The following TOPBP1 variants were observed in gnomAD, a reference collection of about 807,000 sequenced individuals.
TOPBP1 encodes the protein DNA topoisomerase II binding protein 1.
A neutral mutation model predicts 167.7 loss-of-function variants in TOPBP1; 28 were observed. The ratio of observed to expected loss-of-function variants is 0.17; its 90% CI spans 0.12 to 0.23. TOPBP1 has a LOEUF of 0.23. TOPBP1 is among the 10% of genes least tolerant of loss of function. The pLI is 1.00. For missense variants in TOPBP1, 1,554 were observed against 1,809.6 expected (o/e 0.86, Z 2.56); for synonymous variants, 598 against 611.4 (o/e 0.98, Z 0.32).
At chr3:133,612,982 C>T (rs893047568) in intron 23 of TOPBP1, among the ~76,000 whole-genome samples, 1 of 152,138 alleles carries the variant, frequency 6.6e-6, no homozygotes, top group African/African-American at 2.4e-5. Flanking sequence ...CCCTCAGCCT[C>T]GCAAGTAGCT....
At chr3:133,606,495 C>CTTT (rs750468980) in intron 27 of TOPBP1, among the ~76,000 whole-genome samples, 17 of 125,462 alleles carry the variant, frequency 1.4e-4, no homozygotes, top group South Asian at 2.5e-4. Flanking sequence ...CACTCTAGGC[C>CTTT]TTTTTTTTTT....
intron 17 of TOPBP1, among the ~76,000 whole-genome samples, chr3:133,623,699 G>T (rs184903649): frequency 2.0e-5 from 3 of 152,008 alleles, no homozygotes; most frequent in Admixed American, 6.6e-5. Flanking sequence ...TTTTGCAAAG[G>T]TATCAATTAC....
chr3:133,652,155 A>G (rs969785815), intron 8 of TOPBP1, among the ~76,000 whole-genome samples: 6 of 152,282 alleles, frequency 3.9e-5, no homozygotes, highest in Non-Finnish European at 7.4e-5. Flanking sequence ...AAAAAATCCA[A>G]TAAGTTGTTC....
intron 25 of TOPBP1, 37 bp downstream of exon 25, chr3:133,610,967 T>C (rs952553702): frequency 6.5e-7 from 1 of 1,532,994 alleles, no homozygotes; most frequent in African/African-American, 1.4e-5. Flanking sequence ...CAATATTGAA[T>C]GCTATTTGTA....
intron 10 of TOPBP1, among the ~76,000 whole-genome samples, chr3:133,647,523 A>G (rs1559828783): frequency 1.3e-5 from 2 of 152,200 alleles, no homozygotes; most frequent in Admixed American, 6.5e-5. Context: ...GATAGGTTTA[A>G]TGTGTTTTAA....
rs1043208056 is a variant in TOPBP1 at position 133,657,893 on chromosome 3, G to C, written c.268C>G (p.His90Asp). 7.5e-6 allele frequency: 12 copies of C among 1,597,480 alleles called. No individual in the cohort carries two copies. The highest frequency in any genetic ancestry group is 1.7e-4 in the Middle Eastern group (1 of 6,002). Residue 90 changes from histidine (H) to aspartate (D), a missense_variant, in exon 4 of 28, where the codon CAC (histidine) becomes GAC (aspartate). Physicochemically the swap from His to Asp is moderately conservative, Grantham distance 81. This residue lies in a region of TOPBP1 where 1,197 missense variants were observed against 1,351.5 expected (regional missense o/e 0.89). Transcript: ENST00000260810. Reference protein sequence around the residue: ...GPQVVIFCMHHQRCVPRAEHP... With the variant: ...GPQVVIFCMHDQRCVPRAEHP... ...TCGGCTCTTGGGACACATCGCTGGTGGTGCATACAAAATATGACTACTTGA... is the reference window on the plus strand; with the variant it reads ...TCGGCTCTTGGGACACATCGCTGGTCGTGCATACAAAATATGACTACTTGA...
intron 2 of TOPBP1, among the ~76,000 whole-genome samples, chr3:133,659,657 T>C (rs921937465): frequency 6.6e-6 from 1 of 152,144 alleles, no homozygotes; most frequent in Non-Finnish European, 1.5e-5. Flanking sequence ...CCCACTTCAA[T>C]CAGGTCTGCT....
At chr3:133,644,412 G>T in intron 10 of TOPBP1, 49 bp from the exon 11 acceptor site, 1 of 1,438,020 alleles carries the variant, frequency 7.0e-7, no homozygotes, top group Non-Finnish European at 9.3e-7. Flanking sequence ...ACCTTATACA[G>T]TTTACTTCCT....
chr3:133,627,838 C>G (rs1447834636), intron 16 of TOPBP1, among the ~76,000 whole-genome samples: 1 of 150,148 alleles, frequency 6.7e-6, no homozygotes, highest in African/African-American at 2.5e-5. Context: ...GTCAGGTTGA[C>G]TGAAGAAAAA....
rs557953964 is a variant in TOPBP1, at chr3:133,648,948, T to A, written c.1504+435A>T. On this transcript the variant is annotated intron_variant, in intron 10 of 27. Coordinates refer to ENST00000260810, the MANE Select transcript of TOPBP1 (RefSeq NM_007027.4). Reference sequence around the variant, plus strand: ...TAGGTATTTTATAAAGGCTTTTTTTTAATAAAAAAGAAGTAATGATGTTTA... The same window carrying A: ...TAGGTATTTTATAAAGGCTTTTTTTAAATAAAAAAGAAGTAATGATGTTTA... Among the ~76,000 whole-genome samples the A allele has an allele frequency of 4.7e-4, 72 of 152,244 alleles. 1 individual carries two copies. Among genetic ancestry groups the A allele is most frequent in the African/African-American group, 1.6e-3 (65 of 41,570 alleles).
chr3:133,628,276 G>T, intron 16 of TOPBP1, 86 bp downstream of exon 16: 1 of 1,207,154 alleles, frequency 8.3e-7, no homozygotes. Flanking sequence ...CAAAATAAAT[G>T]TATTCTTGTA....
intron 8 of TOPBP1, 57 bp from the exon 9 acceptor site, chr3:133,650,000 C>A: frequency 1.5e-6 from 2 of 1,373,678 alleles, no homozygotes; most frequent in Non-Finnish European, 9.6e-7. Context: ...TAGAAAAAAA[C>A]TAAAAATATA....
chr3:133,652,560 T>C lies in TOPBP1; in HGVS notation c.992A>G (p.Asn331Ser). 1 of 1,612,116 alleles carries C rather than the reference T, an allele frequency of 6.2e-7. No homozygotes were observed. Among genetic ancestry groups the C allele is most frequent in the Non-Finnish European group, 8.5e-7 (1 of 1,179,824 alleles). Residue 331 changes from asparagine (N) to serine (S), a missense_variant, in exon 8 of 28, where the codon AAT becomes AGT. Coordinates refer to ENST00000260810, the MANE Select transcript of TOPBP1 (RefSeq NM_007027.4). The stretch of plus-strand genomic sequence containing the variant: ...AGGCTCCAGTTTGCTGTTAAGTGAA[T>C]TACATATTGATTCACTTACGCAACT... ...NASCVSESIC[N>S]SLNSKLEPTL...
chr3:133,647,067 A>C (rs1936099086), intron 10 of TOPBP1, among the ~76,000 whole-genome samples: 2 of 152,190 alleles, frequency 1.3e-5, no homozygotes, highest in Admixed American at 6.5e-5. Context: ...GGTGAAGGAG[A>C]GTATACCCTG....
intron 8 of TOPBP1, among the ~76,000 whole-genome samples, chr3:133,651,899 TAATACACTG>T (rs978716514): frequency 2.6e-5 from 4 of 152,194 alleles, no homozygotes; most frequent in African/African-American, 9.6e-5. Flanking sequence ...GCACAGTGTC[TAATACACTG>T]TAAACACTTG....
rs771001879 is a variant in TOPBP1 at position 133,601,287 on chromosome 3, G to A, written c.4532C>T (p.Thr1511Ile). The change falls in exon 28 of 28, where the codon ACA (threonine) becomes ATA (isoleucine). Residue 1511 changes from threonine to isoleucine, a missense_variant. Around this residue, in one of 3 missense-constraint regions of TOPBP1, gnomAD observed 351 missense variants for 432.9 expected, o/e 0.81. Coordinates refer to ENST00000260810, the MANE Select transcript of TOPBP1 (RefSeq NM_007027.4). ...TGLSQKRKAP[T>I]EKNKIKRPRV... ...AGGTCGTTTGATTTTATTTTTTTCT[G>A]TAGGAGCTTTCCTCTTTTGTGATAA... 13 of 1,605,912 alleles carry A rather than the reference G, an allele frequency of 8.1e-6. No individual in the cohort carries two copies. The highest frequency in any genetic ancestry group is 1.1e-5 in the Non-Finnish European group (13 of 1,177,050).
intron 14 of TOPBP1, among the ~76,000 whole-genome samples, chr3:133,635,794 A>G (rs1477528148): frequency 6.6e-6 from 1 of 152,138 alleles, no homozygotes; most frequent in Admixed American, 6.5e-5. Flanking sequence ...CCACATAGTA[A>G]CACACACACA....
chr3:133,612,593 ACTT>A (rs749205537), intron 23 of TOPBP1, 41 bp from the exon 24 acceptor site: 1 of 1,527,192 alleles, frequency 6.5e-7, no homozygotes, highest in African/African-American at 1.4e-5. Flanking sequence ...TTGATTCCCA[ACTT>A]CTTTCTAGGA....
chr3:133,618,282 C>A lies in TOPBP1; in HGVS notation c.3523G>T (p.Val1175Phe), dbSNP rs1288916422. 6 of 1,613,978 alleles carry A rather than the reference C, an allele frequency of 3.7e-6. No individual in the cohort carries two copies. In the Admixed American group the frequency reaches 1.0e-4, roughly 27 times the overall value. The change falls in exon 21 of 28, where the codon GTT (valine) becomes TTT (phenylalanine). Residue 1175 changes from valine (V) to phenylalanine (F), a missense_variant. Around this residue, in one of 3 missense-constraint regions of TOPBP1, gnomAD observed 351 missense variants for 432.9 expected, o/e 0.81. Coordinates refer to ENST00000260810, the MANE Select transcript of TOPBP1 (RefSeq NM_007027.4). ...SCPTQYSELQ[V>F]DIQNLEDSPF... Reference sequence around the variant, plus strand: ...GAATCCTCCAAGTTTTGAATGTCAACCTGAAGCTCAGAGTATTGTGTGGGA... The same window carrying A: ...GAATCCTCCAAGTTTTGAATGTCAAACTGAAGCTCAGAGTATTGTGTGGGA...
Sources: gnomAD v4.1 joint callset for allele counts (sites outside exome capture counted in the v4.1 genomes callset) on GRCh38, gnomAD v4.1.1 for gene constraint, gnomAD v4.1.1 regional missense constraint, MANE v1.5 for transcripts, NCBI Gene and HGNC (gene_info 2026-07-23, HGNC 2026-07-21) for gene names.